BBS9: variants seen among roughly 807,000 people sequenced by gnomAD.
The protein encoded by BBS9 is protein PTHB1.
A neutral mutation model predicts 117.7 loss-of-function variants in BBS9; 89 were observed. The observed-to-expected ratio is 0.76, with a 90% CI of 0.64 to 0.90. The LOEUF is 0.90. BBS9 is among the 40% of genes least tolerant of loss of function. BBS9 has a pLI of 0.00. For missense variants in BBS9, 982 were observed against 1,042.2 expected (o/e 0.94, Z 0.80); for synonymous variants, 379 against 370.9 (o/e 1.02, Z -0.25).
intron 5 of BBS9, among the ~76,000 whole-genome samples, chr7:33,213,872 T>C (rs938120709): frequency 2.0e-5 from 3 of 152,120 alleles, no homozygotes; most frequent in East Asian, 3.9e-4. Context: ...CAAAGTTCTC[T>C]TTACTCCTCG....
At chr7:33,228,564 C>T (rs79055243) in intron 5 of BBS9, among the ~76,000 whole-genome samples, 1,786 of 152,120 alleles carry the variant, frequency 0.012, 44 homozygotes, top group African/African-American at 0.041. Context: ...ACTTTTGACT[C>T]CCCCGAAAAT....
chr7:33,179,285 A>G (rs1302484353), intron 5 of BBS9, among the ~76,000 whole-genome samples: 1 of 152,234 alleles, frequency 6.6e-6, no homozygotes, highest in Non-Finnish European at 1.5e-5. Flanking sequence ...CAAATGTTAT[A>G]TAGCAGGGAT....
intron 19 of BBS9, among the ~76,000 whole-genome samples, chr7:33,474,901 C>T (rs1227309416): frequency 3.3e-5 from 5 of 152,148 alleles, no homozygotes; most frequent in Admixed American, 6.6e-5. Flanking sequence ...GCTGAGATTG[C>T]GCCATTGCAC....
intron 19 of BBS9, among the ~76,000 whole-genome samples, chr7:33,502,670 C>T (rs1053439336): frequency 2.6e-5 from 4 of 152,244 alleles, no homozygotes; most frequent in African/African-American, 9.6e-5. Context: ...TTCTGGCATA[C>T]CACTGCTTCT....
chr7:33,221,735 A>G (rs989905817), intron 5 of BBS9, among the ~76,000 whole-genome samples: 3 of 152,212 alleles, frequency 2.0e-5, no homozygotes, highest in Non-Finnish European at 4.4e-5. Flanking sequence ...AATTTTCACA[A>G]TCCTACAAGC....
intron 6 of BBS9, among the ~76,000 whole-genome samples, chr7:33,261,430 C>G (rs73309318): frequency 0.11 from 17,188 of 152,130 alleles, 1,149 homozygotes; most frequent in African/African-American, 0.18. Context: ...TGTTTTGTTA[C>G]TGGCATCTTT....
intron 21 of BBS9, among the ~76,000 whole-genome samples, chr7:33,579,004 G>A (rs759057566): frequency 6.6e-6 from 1 of 152,216 alleles, no homozygotes; most frequent in African/African-American, 2.4e-5. Context: ...GCTTTAGGCT[G>A]CTGCCTTTTG....
chr7:33,173,896 A>G (rs745955883), intron 4 of BBS9, among the ~76,000 whole-genome samples: 3 of 152,176 alleles, frequency 2.0e-5, no homozygotes, highest in Non-Finnish European at 2.9e-5. Context: ...ACTTTTCCCT[A>G]TCTAAGTGTG....
chr7:33,573,620 A>T (rs1318028750), intron 21 of BBS9, among the ~76,000 whole-genome samples: 1 of 152,176 alleles, frequency 6.6e-6, no homozygotes, highest in Non-Finnish European at 1.5e-5. Context: ...CTTTGTGCAG[A>T]TATATTTTCA....
rs1053280138 is a variant in BBS9 at position 33,605,367 on chromosome 7, G to A, written c.*141G>A. The A allele has an allele frequency of 2.2e-6, 2 of 891,466 alleles. No individual in the cohort carries two copies. Among genetic ancestry groups the A allele is most frequent in the Non-Finnish European group, 3.8e-6 (2 of 532,862 alleles). The allele number at this position is 891,466 out of a possible 1,614,324, so 55.2% of individuals were successfully genotyped here. On this transcript the variant is annotated 3_prime_UTR_variant, in exon 23 of 23. Coordinates refer to ENST00000242067, the MANE Select transcript of BBS9 (RefSeq NM_198428.3). ...CCTGGAGATGACATGCATAGAAAGAGGGGTTGGGACTTTTTACTTCACTAG... is the reference window on the plus strand; with the variant it reads ...CCTGGAGATGACATGCATAGAAAGAAGGGTTGGGACTTTTTACTTCACTAG...
intron 19 of BBS9, among the ~76,000 whole-genome samples, chr7:33,400,668 A>G (rs1563121218): frequency 6.6e-6 from 1 of 152,168 alleles, no homozygotes; most frequent in Non-Finnish European, 1.5e-5. Context: ...TACTGTTTTT[A>G]TAAGCATATC....
At chr7:33,491,742 C>T (rs1283224678) in intron 19 of BBS9, among the ~76,000 whole-genome samples, 2 of 152,122 alleles carry the variant, frequency 1.3e-5, no homozygotes, top group African/African-American at 4.8e-5. Context: ...GAGATTATGA[C>T]ACATACTTTG....
intron 21 of BBS9, among the ~76,000 whole-genome samples, chr7:33,564,146 G>C (rs1397844680): frequency 6.6e-6 from 1 of 152,188 alleles, no homozygotes; most frequent in Middle Eastern, 3.2e-3. Context: ...ATTGGAGAGA[G>C]AGGAGAGATA....
chr7:33,352,753 T>C lies in BBS9; in HGVS notation c.1538-106T>C, dbSNP rs144883876. 31 of 1,304,274 alleles carry C rather than the reference T, an allele frequency of 2.4e-5. No homozygotes were observed. The African/African-American group carries it at 3.8e-4, about 16-fold the overall frequency. 80.8% of individuals were successfully genotyped at this position (1,304,274 alleles called of 1,614,324 possible). A position where few individuals can be genotyped will look rare whatever the true frequency, so the allele number is the denominator to read the frequency against. Reference sequence around the variant, plus strand: ...TCTGTGAGAATCTTGAAATTTTAATTTGTATTTTAAGCAGATATGTGTCAA... The same window carrying C: ...TCTGTGAGAATCTTGAAATTTTAATCTGTATTTTAAGCAGATATGTGTCAA... On this transcript the variant is annotated intron_variant, in intron 14 of 22. Transcript: ENST00000242067.
At chr7:33,565,812 T>C (rs1186059390) in intron 21 of BBS9, among the ~76,000 whole-genome samples, 1 of 55,350 alleles carries the variant, frequency 1.8e-5, no homozygotes, top group Non-Finnish European at 2.9e-5. Context: ...TATATATATA[T>C]ATATATATAT....
chr7:33,390,246 T>G, intron 19 of BBS9: 1 of 985,370 alleles, frequency 1.0e-6, no homozygotes, highest in Non-Finnish European at 1.2e-6. Flanking sequence ...GACACAATGG[T>G]GGAAGGGCAT....
intron 7 of BBS9, among the ~76,000 whole-genome samples, chr7:33,265,633 T>C (rs1332326473): frequency 6.6e-6 from 1 of 152,114 alleles, no homozygotes; most frequent in Non-Finnish European, 1.5e-5. Flanking sequence ...TCACCCGAGT[T>C]CAGGAGTTCG....
intron 9 of BBS9, among the ~76,000 whole-genome samples, chr7:33,274,471 A>C (rs539827269): frequency 6.6e-6 from 1 of 152,232 alleles, no homozygotes; most frequent in East Asian, 1.9e-4. Context: ...ATACTTTAAC[A>C]TTAAGTTTAC....
intron 21 of BBS9, among the ~76,000 whole-genome samples, chr7:33,551,759 T>G (rs1197739980): frequency 6.6e-6 from 1 of 152,128 alleles, no homozygotes; most frequent in Non-Finnish European, 1.5e-5. Flanking sequence ...GAAAAGTACA[T>G]CAAGACAAGG....
Sources: allele counts gnomAD v4.1 joint callset (sites outside exome capture counted in the v4.1 genomes callset), GRCh38; gene constraint gnomAD v4.1.1; transcripts MANE v1.5; gene names NCBI Gene and HGNC (gene_info 2026-07-23, HGNC 2026-07-21).